Variants in SLC27A4 observed in about 807,000 individuals in gnomAD.
SLC27A4 encodes solute carrier family 27 member 4.
A neutral mutation model predicts 64.4 loss-of-function variants in SLC27A4; 33 were observed. The ratio of observed to expected loss-of-function variants is 0.51; its 90% CI spans 0.39 to 0.68. SLC27A4 has a LOEUF of 0.68. SLC27A4 is among the 30% of genes least tolerant of loss of function. The probability of loss-of-function intolerance (pLI) is 0.00; values close to 1 mark genes in which losing one functional copy is unlikely to be tolerated. For missense variants in SLC27A4, 824 were observed against 883.5 expected (o/e 0.93, Z 0.85); for synonymous variants, 377 against 370.0 (o/e 1.02, Z -0.22).
chr9:128,350,316 A>G lies in SLC27A4; in HGVS notation c.720A>G (p.Lys240=). Residue 240 remains lysine, a synonymous_variant, in exon 5 of 13, where the codon AAA becomes AAG. Coordinates refer to ENST00000300456, the MANE Select transcript of SLC27A4 (RefSeq NM_005094.4). The stretch of plus-strand genomic sequence containing the variant: ...ACTCGCGTCTGTTTTCTTTAGATAA[A>G]CTGTTCTACATCTACACATCCGGCA... The part of the protein sequence containing the change: ...PSCPDKGFTD[K]LFYIYTSGTT... 3.1e-6 allele frequency: 5 copies of G among 1,612,764 alleles called. No homozygotes were observed. The highest frequency in any genetic ancestry group is 4.2e-6 in the Non-Finnish European group (5 of 1,179,980).
Position 128,352,745 on chromosome 9 carries a change from A to G in SLC27A4, c.985A>G (p.Thr329Ala), listed in dbSNP as rs1352607450. 6.2e-7 allele frequency: 1 copy of G among 1,609,520 alleles called. No individual in the cohort carries two copies. Among genetic ancestry groups the G allele is most frequent in the Non-Finnish European group, 8.5e-7 (1 of 1,175,890 alleles). The part of the protein sequence containing the change: ...FWDDCIKYNC[T>A]IVQYIGELCR... ...GGACGATTGTATCAAGTACAACTGCACGGTGAGCGAGAGCGGGAAGGGTGA... is the reference window on the plus strand; with the variant it reads ...GGACGATTGTATCAAGTACAACTGCGCGGTGAGCGAGAGCGGGAAGGGTGA... Residue 329 changes from threonine to alanine, a missense_variant and splice_region_variant, in exon 7 of 13, where the codon ACG (threonine) becomes GCG (alanine). By Grantham distance (58) the Thr-to-Ala change is moderately conservative. Transcript: ENST00000300456.
Position 128,340,781 on chromosome 9 carries a change from A to G in SLC27A4, c.-64A>G, listed in dbSNP as rs760777437. Reference sequence around the variant, plus strand: ...GCGGCTAATGCCCCTCACGCTGTCTACGCTGCTGCAACCGGGCCGCATCTG... The same window carrying G: ...GCGGCTAATGCCCCTCACGCTGTCTGCGCTGCTGCAACCGGGCCGCATCTG... On this transcript the variant is annotated 5_prime_UTR_variant, in exon 1 of 13. Coordinates refer to ENST00000300456, the MANE Select transcript of SLC27A4 (RefSeq NM_005094.4). 2 of 687,778 alleles carry G rather than the reference A, an allele frequency of 2.9e-6. No individual in the cohort carries two copies. The highest frequency in any genetic ancestry group is 2.7e-6 in the Non-Finnish European group (1 of 372,974). The allele number at this position is 687,778 out of a possible 1,614,324, so 42.6% of individuals were successfully genotyped here.
At position 128,352,643 on chromosome 9, in the gene SLC27A4, A is replaced by G. The variant is rs1351876154; in HGVS notation, c.883A>G (p.Ile295Val). ...CLPLYHSAGN[I>V]VGIGQCLLHG... Reference sequence around the variant, plus strand: ...GGCCATCCCTCTGCCTCCAGGAAACATCGTGGGAATCGGCCAGTGCCTGCT... The same window carrying G: ...GGCCATCCCTCTGCCTCCAGGAAACGTCGTGGGAATCGGCCAGTGCCTGCT... Residue 295 changes from isoleucine (I) to valine (V), a missense_variant, in exon 7 of 13, where the codon ATC (isoleucine) becomes GTC (valine). Transcript: ENST00000300456. The G allele has an allele frequency of 1.2e-6, 2 of 1,613,918 alleles. No homozygotes were observed. Among genetic ancestry groups the G allele is most frequent in the East Asian group, 4.5e-5 (2 of 44,882 alleles).
intron 12 of SLC27A4, among the ~76,000 whole-genome samples, chr9:128,359,334 C>G (rs766228050): frequency 2.6e-5 from 4 of 151,944 alleles, no homozygotes; most frequent in Non-Finnish European, 5.9e-5. Context: ...ACAAGAAATA[C>G]AAAACTTGGC....
chr9:128,355,836 C>T (rs377708982), intron 12 of SLC27A4, 40 bp downstream of exon 12: 2 of 1,609,622 alleles, frequency 1.2e-6, no homozygotes, highest in African/African-American at 1.3e-5. Context: ...ATCCCAGGTC[C>T]CTTCCCGTTT....
rs753609874 is a variant in SLC27A4 at position 128,352,669 on chromosome 9, G to A, written c.909G>A (p.Leu303=). The A allele has an allele frequency of 7.4e-6, 12 of 1,614,070 alleles. No individual in the cohort carries two copies. In the South Asian group the frequency reaches 1.2e-4, roughly 16 times the overall value. Reference sequence around the variant, plus strand: ...TCGTGGGAATCGGCCAGTGCCTGCTGCATGGCATGACGGTGGTGATTCGGA... The same window carrying A: ...TCGTGGGAATCGGCCAGTGCCTGCTACATGGCATGACGGTGGTGATTCGGA... ...GNIVGIGQCL[L]HGMTVVIRKK... is the part of the protein sequence containing the mutation. Residue 303 remains leucine, a synonymous_variant, in exon 7 of 13, where the codon CTG becomes CTA. Transcript: ENST00000300456.
Position 128,353,953 on chromosome 9 carries a change from C to A in SLC27A4, c.1324+412C>A, listed in dbSNP as rs575637242. On this transcript the variant is annotated intron_variant, in intron 9 of 12. Transcript: ENST00000300456. This position sits in a 1 kb window ranked among gnomAD's most constrained non-coding sequence, Gnocchi z 4.9. ...AGAGACGGGGTTTCACCGTTTTAGCCGGGATGGTCTCGATCTCCTGACCTC... is the reference window on the plus strand; with the variant it reads ...AGAGACGGGGTTTCACCGTTTTAGCAGGGATGGTCTCGATCTCCTGACCTC... Among the ~76,000 whole-genome samples the A allele has an allele frequency of 6.6e-6, 1 of 150,938 alleles. No homozygotes were observed. Among genetic ancestry groups the A allele is most frequent in the Non-Finnish European group, 1.5e-5 (1 of 67,928 alleles).
chr9:128,360,558 T>G lies in SLC27A4; in HGVS notation c.*67T>G. ...AGCCCCAGGTTCCGCCCCAGAGCGG[T>G]CCTGGACAAGGCCAGACCAAAGCAA... is the stretch of plus-strand genomic sequence containing the variant. On this transcript the variant is annotated 3_prime_UTR_variant, in exon 13 of 13. Coordinates refer to ENST00000300456, the MANE Select transcript of SLC27A4 (RefSeq NM_005094.4). 2 of 1,579,348 alleles carry G rather than the reference T, an allele frequency of 1.3e-6. No homozygotes were observed. Among genetic ancestry groups the G allele is most frequent in the Non-Finnish European group, 1.7e-6 (2 of 1,154,376 alleles).
rs373032777 is a variant in SLC27A4 at position 128,352,221 on chromosome 9, A to C, written c.878-417A>C. Among the ~76,000 whole-genome samples, 6 of 152,158 alleles carry C rather than the reference A, an allele frequency of 3.9e-5. No individual in the cohort carries two copies. In the East Asian group the frequency reaches 1.2e-3, roughly 29 times the overall value. On this transcript the variant is annotated intron_variant, in intron 6 of 12. Coordinates refer to ENST00000300456, the MANE Select transcript of SLC27A4 (RefSeq NM_005094.4). Reference sequence around the variant, plus strand: ...AAAAAAAAAAAAAAAGTTGTTTTAAATTGAAAAAAGGATGAGCACACCAGC... The same window carrying C: ...AAAAAAAAAAAAAAAGTTGTTTTAACTTGAAAAAAGGATGAGCACACCAGC...
intron 4 of SLC27A4, 81 bp from the exon 5 acceptor site, chr9:128,350,231 A>T: frequency 8.7e-7 from 1 of 1,149,534 alleles, no homozygotes; most frequent in East Asian, 2.3e-5. Flanking sequence ...TGAAGGGTGC[A>T]CACCTGCAGG....
intron 12 of SLC27A4, among the ~76,000 whole-genome samples, chr9:128,357,261 CAAAAAAA>C (rs1007585471): frequency 1.4e-4 from 7 of 50,962 alleles, no homozygotes; most frequent in Non-Finnish European, 2.0e-4. Context: ...GACTCTGTCT[CAAAAAAA>C]AAAAAAAAAA....
In SLC27A4 at chr9:128,345,407, G is replaced by C. The variant is rs959279096; in HGVS notation, c.414G>C (p.Glu138Asp). The change falls in exon 3 of 13, where the codon GAG becomes GAC. Residue 138 changes from glutamate to aspartate, a missense_variant. Coordinates refer to ENST00000300456, the MANE Select transcript of SLC27A4 (RefSeq NM_005094.4). The surrounding 1 kb of genome is among the most constrained non-coding windows in gnomAD (Gnocchi z 4.1). Reference protein sequence around the residue: ...VAAIFMENRNEFVGLWLGMAK... With the variant: ...VAAIFMENRNDFVGLWLGMAK... Reference sequence around the variant, plus strand: ...CCATCTTCATGGAGAACCGCAATGAGTTCGTGGGCCTATGGCTGGGCATGG... The same window carrying C: ...CCATCTTCATGGAGAACCGCAATGACTTCGTGGGCCTATGGCTGGGCATGG... 13 of 1,613,682 alleles carry C rather than the reference G, an allele frequency of 8.1e-6. No homozygotes were observed. Among genetic ancestry groups the C allele is most frequent in the Non-Finnish European group, 1.1e-5 (13 of 1,180,034 alleles).
At chr9:128,352,401 C>T (rs886208769) in intron 6 of SLC27A4, among the ~76,000 whole-genome samples, 7 of 151,948 alleles carry the variant, frequency 4.6e-5, no homozygotes, top group Admixed American at 2.6e-4. Context: ...TGCTTAGAGT[C>T]GGGTGTATAT....
chr9:128,343,080 C>T (rs1461812033), intron 1 of SLC27A4, 47 bp from the exon 2 acceptor site: 13 of 1,608,868 alleles, frequency 8.1e-6, no homozygotes, highest in African/African-American at 2.7e-5. Context: ...AGGTAGGAGA[C>T]CTGGAGGGTT....
chr9:128,348,398 T>C (rs1181540193), intron 3 of SLC27A4, 147 bp from the exon 4 acceptor site: 1 of 929,462 alleles, frequency 1.1e-6, no homozygotes, highest in Non-Finnish European at 1.7e-6. Flanking sequence ...CCGGTGCCCC[T>C]GTCAACACTG....
intron 12 of SLC27A4, among the ~76,000 whole-genome samples, chr9:128,357,323 C>T (rs568108034): frequency 9.3e-5 from 14 of 150,576 alleles, no homozygotes; most frequent in African/African-American, 3.2e-4. Context: ...TCCAGCGACT[C>T]GGGAGGCTGA....
At chr9:128,352,920 G>T in intron 7 of SLC27A4, 105 bp from the exon 8 acceptor site, 4 of 1,158,264 alleles carry the variant, frequency 3.5e-6, no homozygotes, top group South Asian at 1.3e-5. Flanking sequence ...GGGAAAGGAT[G>T]GCATGGCCAG....
rs1475936108 is a variant in SLC27A4, at chr9:128,345,366, T to G, written c.373T>G (p.Ser125Ala). 1 of 1,613,746 alleles carries G rather than the reference T, an allele frequency of 6.2e-7. No homozygotes were observed. Among genetic ancestry groups the G allele is most frequent in the East Asian group, 2.2e-5 (1 of 44,878 alleles). Residue 125 changes from serine (S) to alanine (A), a missense_variant, in exon 3 of 13, where the codon TCG (serine) becomes GCG (alanine). Physicochemically the swap from Ser to Ala is moderately conservative, Grantham distance 99 (BLOSUM62 1). Coordinates refer to ENST00000300456, the MANE Select transcript of SLC27A4 (RefSeq NM_005094.4). The surrounding 1 kb of genome is among the most constrained non-coding windows in gnomAD (Gnocchi z 4.1). ...CTTCCTGCAGGCCCGGGGCCTGGCCTCGGGCGATGTGGCTGCCATCTTCAT... is the reference window on the plus strand; with the variant it reads ...CTTCCTGCAGGCCCGGGGCCTGGCCGCGGGCGATGTGGCTGCCATCTTCAT... The part of the protein sequence containing the change: ...ANFLQARGLA[S>A]GDVAAIFMEN...
At chr9:128,356,872 G>C (rs2131271148) in intron 12 of SLC27A4, among the ~76,000 whole-genome samples, 1 of 152,162 alleles carries the variant, frequency 6.6e-6, no homozygotes, top group Non-Finnish European at 1.5e-5. Flanking sequence ...CAGATGGATT[G>C]CCTGAGCTCA....
Sources: allele counts gnomAD v4.1 joint callset (sites outside exome capture counted in the v4.1 genomes callset), GRCh38; gene constraint gnomAD v4.1.1; non-coding constraint Gnocchi (gnomAD v3.1); transcripts MANE v1.5; gene names NCBI Gene and HGNC (gene_info 2026-07-23, HGNC 2026-07-21).